SORCS1: variants seen among roughly 807,000 people sequenced by gnomAD.
SORCS1 encodes the protein sortilin related VPS10 domain containing receptor 1.
Under a neutral mutation model 146.1 loss-of-function variants are expected in SORCS1, and 60 were observed. The observed-to-expected ratio is 0.41, with a 90% CI of 0.33 to 0.51. SORCS1 has a LOEUF of 0.51. Ranked by LOEUF, SORCS1 falls within the 20% of genes least tolerant of loss-of-function variation. The pLI, the probability that SORCS1 is intolerant of heterozygous loss-of-function variation, is 0.21. For missense variants in SORCS1, 1,352 were observed against 1,487.6 expected (o/e 0.91, Z 1.50); for synonymous variants, 637 against 584.0 (o/e 1.09, Z -1.31).
chr10:106,743,003 T>C (rs7067660), intron 5 of SORCS1, among the ~76,000 whole-genome samples: 24,259 of 152,100 alleles, frequency 0.16, 3,046 homozygotes, highest in African/African-American at 0.35. Flanking sequence ...TCATGTAAAC[T>C]CCTTGGCCAA....
intron 3 of SORCS1, among the ~76,000 whole-genome samples, chr10:106,780,379 C>T (rs1860798253): frequency 6.6e-6 from 1 of 152,188 alleles, no homozygotes; most frequent in African/African-American, 2.4e-5. Context: ...GTTGTGTTTA[C>T]TTCTCTGTAT....
At chr10:106,748,133 C>T (rs1857881093) in intron 5 of SORCS1, among the ~76,000 whole-genome samples, 1 of 152,034 alleles carries the variant, frequency 6.6e-6, no homozygotes, top group Admixed American at 6.6e-5. Context: ...TTTTATTGCT[C>T]TTCATAGATA....
At chr10:106,654,966 C>T (rs572108165) in intron 17 of SORCS1, among the ~76,000 whole-genome samples, 3 of 152,142 alleles carry the variant, frequency 2.0e-5, no homozygotes, top group African/African-American at 7.2e-5. Flanking sequence ...AAGCGATTCT[C>T]TCGCCTCAGC....
intron 25 of SORCS1, chr10:106,577,832 A>G: frequency 3.0e-6 from 1 of 337,188 alleles, no homozygotes; most frequent in East Asian, 6.7e-5. Flanking sequence ...CCAAGCAATC[A>G]CACATTTATT....
intron 1 of SORCS1, among the ~76,000 whole-genome samples, chr10:107,135,140 G>A (rs1042553479): frequency 5.9e-5 from 9 of 152,114 alleles, no homozygotes; most frequent in Non-Finnish European, 1.2e-4. Flanking sequence ...GTAATTATTC[G>A]TTATGGTAAA....
intron 2 of SORCS1, among the ~76,000 whole-genome samples, chr10:106,892,650 G>A (rs1283845867): frequency 6.6e-6 from 1 of 152,148 alleles, no homozygotes; most frequent in Non-Finnish European, 1.5e-5. Context: ...TAGGCAAGAT[G>A]TAAATATAAA....
chr10:106,744,694 C>T (rs1156723281), intron 5 of SORCS1, among the ~76,000 whole-genome samples: 1 of 152,156 alleles, frequency 6.6e-6, no homozygotes, highest in East Asian at 1.9e-4. Flanking sequence ...AGGTTAGTAG[C>T]CTGCTTACAG....
intron 5 of SORCS1, among the ~76,000 whole-genome samples, chr10:106,757,915 C>T (rs1013082997): frequency 6.6e-6 from 1 of 152,158 alleles, no homozygotes; most frequent in African/African-American, 2.4e-5. Flanking sequence ...CATAGGTTCC[C>T]TATCTGTTAA....
chr10:107,174,871 G>T, the SORCS1 span, among the ~76,000 whole-genome samples: 1 of 152,052 alleles, frequency 6.6e-6, no homozygotes, highest in Non-Finnish European at 1.5e-5. Context: ...CAGGGGGAAA[G>T]GTTTTATTAT....
chr10:106,738,177 G>A (rs953202984), intron 5 of SORCS1, among the ~76,000 whole-genome samples: 3 of 152,146 alleles, frequency 2.0e-5, no homozygotes, highest in Non-Finnish European at 4.4e-5. Context: ...GAGTTTGGGG[G>A]TTGTGGGTAA....
In SORCS1 at chr10:106,599,367, C is replaced by CAA. The variant is rs531734833; in HGVS notation, c.3166-1919_3166-1918dup. On this transcript the variant is annotated intron_variant, in intron 23 of 25. Coordinates refer to ENST00000263054, the MANE Select transcript of SORCS1 (RefSeq NM_052918.5). ...TCAGAGACAGAGTAAAACTCTAATT[C>CAA]AAAAAAAAAAAGAGGAGGAGGAGGA... 3.4e-5 allele frequency among the ~76,000 whole-genome samples: 4 copies of CAA among 116,650 alleles called. No individual in the cohort carries two copies. In the East Asian group the frequency reaches 7.5e-4, roughly 22 times the overall value. The allele number at this position is 116,650 out of a possible 152,430, so 76.5% of individuals were successfully genotyped here.
intron 1 of SORCS1, among the ~76,000 whole-genome samples, chr10:107,039,116 T>C (rs551369974): frequency 9.1e-4 from 138 of 151,574 alleles, no homozygotes; most frequent in Non-Finnish European, 1.8e-3. Context: ...GATCACAAGG[T>C]CAGGAGATCG....
At chr10:106,796,753 A>C (rs1365749829) in intron 3 of SORCS1, among the ~76,000 whole-genome samples, 1 of 152,216 alleles carries the variant, frequency 6.6e-6, no homozygotes, top group African/African-American at 2.4e-5. Context: ...ACCAAATTTA[A>C]TTTGTCTAAT....
intron 1 of SORCS1, among the ~76,000 whole-genome samples, chr10:106,977,363 C>A (rs1956071513): frequency 6.6e-6 from 1 of 151,992 alleles, no homozygotes; most frequent in Admixed American, 6.6e-5. Context: ...TATCCTTTGC[C>A]CACTTTTTGA....
chr10:106,998,145 C>A (rs1957075339), intron 1 of SORCS1, among the ~76,000 whole-genome samples: 1 of 152,246 alleles, frequency 6.6e-6, no homozygotes, highest in Non-Finnish European at 1.5e-5. Context: ...CATACATTCA[C>A]ATGTTTATAT....
At chr10:106,905,792 A>G (rs1332215168) in intron 2 of SORCS1, among the ~76,000 whole-genome samples, 2 of 152,338 alleles carry the variant, frequency 1.3e-5, no homozygotes, top group East Asian at 1.9e-4. Context: ...TTGTATGTAT[A>G]TCAGAATGAT....
chr10:107,116,690 T>C (rs1195743719), intron 1 of SORCS1, among the ~76,000 whole-genome samples: 5 of 152,160 alleles, frequency 3.3e-5, no homozygotes, highest in Non-Finnish European at 7.4e-5. Context: ...GTACAAAATA[T>C]CAATTTTAAG....
intron 2 of SORCS1, among the ~76,000 whole-genome samples, chr10:106,918,315 C>A (rs1952543094): frequency 6.6e-6 from 1 of 152,114 alleles, no homozygotes; most frequent in African/African-American, 2.4e-5. Flanking sequence ...TGCCTGCCAC[C>A]ACGCCTGGCT....
chr10:106,708,713 T>G (rs1854719413), intron 7 of SORCS1, among the ~76,000 whole-genome samples: 1 of 152,218 alleles, frequency 6.6e-6, no homozygotes, highest in African/African-American at 2.4e-5. Flanking sequence ...CAATAAAAGC[T>G]GATTACTCTC....
Sources: gnomAD v4.1 joint callset for allele counts (sites outside exome capture counted in the v4.1 genomes callset) on GRCh38, gnomAD v4.1.1 for gene constraint, MANE v1.5 for transcripts, NCBI Gene and HGNC (gene_info 2026-07-23, HGNC 2026-07-21) for gene names.